The following ZMYM4 variants were observed in gnomAD, a reference collection of about 807,000 sequenced individuals.
The protein encoded by ZMYM4 is zinc finger MYM-type containing 4.
A neutral mutation model predicts 183.2 loss-of-function variants in ZMYM4; 31 were observed. The observed-to-expected ratio is 0.17, with a 90% CI of 0.13 to 0.23. ZMYM4 has a LOEUF of 0.23. Ranked by LOEUF, ZMYM4 falls within the 10% of genes least tolerant of loss-of-function variation. The pLI is 1.00. For synonymous variants in ZMYM4, 592 were observed against 631.2 expected (o/e 0.94, Z 0.93); for missense variants, 1,273 against 1,840.3 (o/e 0.69, Z 5.64).
chr1:35,385,224 TA>T (rs1479559672), intron 9 of ZMYM4, among the ~76,000 whole-genome samples: 1 of 152,244 alleles, frequency 6.6e-6, no homozygotes, highest in African/African-American at 2.4e-5. Flanking sequence ...TATTCCTCTA[TA>T]AAACTTTTTA....
intron 1 of ZMYM4, among the ~76,000 whole-genome samples, chr1:35,281,255 G>T (rs1640142437): frequency 6.6e-6 from 1 of 151,394 alleles, no homozygotes; most frequent in Admixed American, 6.6e-5. Context: ...CTGCACTCCA[G>T]CCTGGGTGAC....
chr1:35,411,745 GTTTA>G (rs1040676354), intron 26 of ZMYM4, among the ~76,000 whole-genome samples: 8 of 152,066 alleles, frequency 5.3e-5, no homozygotes, highest in African/African-American at 1.4e-4. Context: ...ATGTCTTTCT[GTTTA>G]TTTAGTTGTT....
chr1:35,333,189 G>T (rs1239317982), intron 2 of ZMYM4, among the ~76,000 whole-genome samples: 1 of 151,662 alleles, frequency 6.6e-6, no homozygotes, highest in Non-Finnish European at 1.5e-5. Flanking sequence ...TTTGTGTTTG[G>T]ATCTTCATGG....
intron 2 of ZMYM4, among the ~76,000 whole-genome samples, chr1:35,357,813 T>C (rs1643867335): frequency 6.6e-6 from 1 of 152,156 alleles, no homozygotes. Context: ...CTTAAGTGCT[T>C]AGGAAGTCAG....
intron 1 of ZMYM4, among the ~76,000 whole-genome samples, chr1:35,298,748 A>G (rs1641139132): frequency 6.6e-6 from 1 of 152,150 alleles, no homozygotes; most frequent in Non-Finnish European, 1.5e-5. Context: ...AAAGGTTAAC[A>G]TTGTGCCAGC....
chr1:35,347,866 T>A (rs1643457141), intron 2 of ZMYM4, among the ~76,000 whole-genome samples: 3 of 152,214 alleles, frequency 2.0e-5, no homozygotes, highest in Admixed American at 2.0e-4. Flanking sequence ...CTTACAAAAG[T>A]AATATGCTCT....
chr1:35,413,383 T>C (rs1639991452), intron 26 of ZMYM4, among the ~76,000 whole-genome samples: 2 of 152,228 alleles, frequency 1.3e-5, no homozygotes, highest in African/African-American at 2.4e-5. Context: ...TATGATATGG[T>C]TGTTAATGGT....
chr1:35,365,321 G>C (rs1330257740), intron 5 of ZMYM4, among the ~76,000 whole-genome samples: 1 of 148,128 alleles, frequency 6.8e-6, no homozygotes, highest in East Asian at 2.0e-4. Flanking sequence ...CCAAGGGAAG[G>C]TTTCAAAATA....
chr1:35,284,779 C>G (rs1217965312), intron 1 of ZMYM4, among the ~76,000 whole-genome samples: 1 of 152,136 alleles, frequency 6.6e-6, no homozygotes, highest in African/African-American at 2.4e-5. Flanking sequence ...CATGTGATTT[C>G]TTAGTGTTTG....
chr1:35,281,924 G>T (rs1640191077), intron 1 of ZMYM4, among the ~76,000 whole-genome samples: 1 of 152,056 alleles, frequency 6.6e-6, no homozygotes, highest in Non-Finnish European at 1.5e-5. Context: ...TTATCCTTTG[G>T]TGTCTGACAT....
chr1:35,397,219 G>T, intron 19 of ZMYM4, 158 bp from the exon 20 acceptor site: 2 of 1,081,486 alleles, frequency 1.8e-6, no homozygotes, highest in Non-Finnish European at 2.4e-6. Context: ...AATGGCTCTA[G>T]TCTTATAAAA....
At chr1:35,343,184 T>A (rs886868565) in intron 2 of ZMYM4, among the ~76,000 whole-genome samples, 1 of 152,224 alleles carries the variant, frequency 6.6e-6, no homozygotes, top group African/African-American at 2.4e-5. Context: ...AAAGCACAAA[T>A]TTTTAATATT....
chr1:35,351,020 T>C, intron 2 of ZMYM4: 1 of 905,770 alleles, frequency 1.1e-6, no homozygotes, highest in Non-Finnish European at 1.8e-6. Flanking sequence ...CGCATTGTAC[T>C]GGCCTGCTGC....
chr1:35,272,618 G>A (rs904632097), intron 1 of ZMYM4, among the ~76,000 whole-genome samples: 4 of 152,156 alleles, frequency 2.6e-5, no homozygotes, highest in African/African-American at 7.2e-5. Context: ...CTTTCATAGC[G>A]TCCTTTACTC....
Position 35,397,405 on chromosome 1 carries a change from C to A in ZMYM4, c.3059C>A (p.Ser1020Ter). The change falls in exon 20 of 30, where the codon TCA becomes TAA. Residue 1020 changes from serine to a stop codon, truncating the protein, a stop_gained. Coordinates refer to ENST00000314607, the MANE Select transcript of ZMYM4 (RefSeq NM_005095.3). LOFTEE classifies it high-confidence loss of function. ...PMPVPMLIPS[S>*]MDSEDKVTES... ...CCTGTCCCTATGCTTATTCCATCTT[C>A]AATGGATAGTGAAGATAAAGTCACA... 2 of 1,609,846 alleles carry A rather than the reference C, an allele frequency of 1.2e-6. No homozygotes were observed. Among genetic ancestry groups the A allele is most frequent in the South Asian group, 1.1e-5 (1 of 89,830 alleles).
At chr1:35,302,224 T>TTGTG (rs1557952168) in intron 1 of ZMYM4, among the ~76,000 whole-genome samples, 6 of 88,898 alleles carry the variant, frequency 6.7e-5, no homozygotes, top group Admixed American at 3.3e-4. Context: ...TTTTTTTTTT[T>TTGTG]TGTGACAGGG....
Position 35,405,204 on chromosome 1 carries a change from C to T in ZMYM4, c.3700+10C>T, listed in dbSNP as rs1298078605. 6.2e-7 allele frequency: 1 copy of T among 1,612,534 alleles called. No individual in the cohort carries two copies. Among genetic ancestry groups the T allele is most frequent in the Non-Finnish European group, 8.5e-7 (1 of 1,179,012 alleles). The stretch of plus-strand genomic sequence containing the variant: ...GATCTAAAATGTGGAGGTAAGTGCA[C>T]AGCATGAATTGTATCTTGATTTAGG... On this transcript the variant is annotated intron_variant, in intron 24 of 29. Coordinates refer to ENST00000314607, the MANE Select transcript of ZMYM4 (RefSeq NM_005095.3).
Position 35,337,968 on chromosome 1 carries a change from A to G in ZMYM4, c.85+12563A>G, listed in dbSNP as rs563754327. Reference sequence around the variant, plus strand: ...ATAAAATAAAATAAAAACAATATAGATAGTACATAAATGGATTATTGTGTT... The same window carrying G: ...ATAAAATAAAATAAAAACAATATAGGTAGTACATAAATGGATTATTGTGTT... On this transcript the variant is annotated intron_variant, in intron 2 of 29. Coordinates refer to ENST00000314607, the MANE Select transcript of ZMYM4 (RefSeq NM_005095.3). Among the ~76,000 whole-genome samples the G allele has an allele frequency of 2.0e-5, 3 of 152,228 alleles. No homozygotes were observed. The South Asian group carries it at 6.2e-4, about 32-fold the overall frequency.
intron 20 of ZMYM4, 77 bp downstream of exon 20, chr1:35,397,622 A>AT (rs770042726): frequency 1.1e-4 from 152 of 1,328,916 alleles, no homozygotes; most frequent in Non-Finnish European, 1.4e-4. Context: ...AATTTTAAGT[A>AT]TAAGACAGGG....
Sources: allele counts gnomAD v4.1 joint callset (sites outside exome capture counted in the v4.1 genomes callset), GRCh38; gene constraint gnomAD v4.1.1; transcripts MANE v1.5; gene names NCBI Gene and HGNC (gene_info 2026-07-23, HGNC 2026-07-21).